The following LRIG1 variants were observed in gnomAD, a reference collection of about 807,000 sequenced individuals.
The protein encoded by LRIG1 is leucine-rich repeats and immunoglobulin-like domains protein 1.
Under a neutral mutation model 99.2 loss-of-function variants are expected in LRIG1, and 48 were observed. The ratio of observed to expected loss-of-function variants is 0.48; its 90% CI spans 0.38 to 0.62. The LOEUF (loss-of-function observed/expected upper bound fraction) is 0.62. Among genes scored for constraint, LRIG1 ranks in the 20% least tolerant of loss-of-function variants. The pLI is 0.00. For synonymous variants in LRIG1, 772 were observed against 596.1 expected, an observed-to-expected ratio of 1.29 and a Z score of -4.30; for missense variants, 1,646 against 1,434.4, an observed-to-expected ratio of 1.15 and a Z score of -2.38.
intron 2 of LRIG1, among the ~76,000 whole-genome samples, chr3:66,459,361 C>G (rs914509145): frequency 6.6e-6 from 1 of 152,174 alleles, no homozygotes; most frequent in South Asian, 2.1e-4. Flanking sequence ...CCATGCCTGC[C>G]CCTGATAGAT....
chr3:66,411,215 A>G (rs1469987662), intron 6 of LRIG1, among the ~76,000 whole-genome samples: 2 of 152,218 alleles, frequency 1.3e-5, no homozygotes, highest in Non-Finnish European at 2.9e-5. Flanking sequence ...CCTCTTCAAC[A>G]AAAGTCCGTA....
intron 15 of LRIG1, 31 bp downstream of exon 15, chr3:66,382,951 T>A (rs1218008420): frequency 7.0e-6 from 11 of 1,566,554 alleles, no homozygotes; most frequent in South Asian, 1.2e-5. Context: ...TCCTCCCTCC[T>A]TGAAAGTCAG....
rs13094825 is a variant in LRIG1 at position 66,381,519 on chromosome 3, C to T, written c.2730G>A (p.Ala910=). Residue 910 remains alanine (A), a synonymous_variant, in exon 17 of 19, where the codon GCG becomes GCA. Coordinates refer to ENST00000273261, the MANE Select transcript of LRIG1 (RefSeq NM_015541.3). ...GSAYHKEPWK[A]MEKAEGTPGP... ...CAGGTGTCCCTTCAGCTTTCTCCAT[C>T]GCTTTCCACGGCTCTTTGTGATACG... is the stretch of plus-strand genomic sequence containing the variant. The T allele has an allele frequency of 0.033, 53,727 of 1,613,894 alleles. 2,644 individuals are homozygous for T. Among genetic ancestry groups the T allele is most frequent in the Admixed American group, 0.22 (13,400 of 60,010 alleles).
intron 3 of LRIG1, among the ~76,000 whole-genome samples, chr3:66,424,485 G>A (rs902707044): frequency 1.3e-5 from 2 of 152,152 alleles, no homozygotes; most frequent in Admixed American, 1.3e-4. Flanking sequence ...TCCACCTTCA[G>A]GAAACTATCC....
At position 66,500,521 on chromosome 3, in the gene LRIG1, C is replaced by T. The variant is rs1200672201; in HGVS notation, c.-114G>A. On this transcript the variant is annotated 5_prime_UTR_variant, in exon 1 of 19. The change abolishes an upstream ATG in the 5' untranslated region. Coordinates refer to ENST00000273261, the MANE Select transcript of LRIG1 (RefSeq NM_015541.3). ...CTCGGCTCTAGACTCCGCACCGGGGCATGGCCCCCGCCCCAAGTTCTCTCT... is the reference window on the plus strand; with the variant it reads ...CTCGGCTCTAGACTCCGCACCGGGGTATGGCCCCCGCCCCAAGTTCTCTCT... 4 of 499,270 alleles carry T rather than the reference C, an allele frequency of 8.0e-6. No individual in the cohort carries two copies. The highest frequency in any genetic ancestry group is 1.3e-5 in the Non-Finnish European group (4 of 315,914). 30.9% of individuals were successfully genotyped at this position (499,270 alleles called of 1,614,324 possible). A position where few individuals can be genotyped will look rare whatever the true frequency, so the allele number is the denominator to read the frequency against.
At chr3:66,484,114 C>T (rs1390554126) in intron 1 of LRIG1, among the ~76,000 whole-genome samples, 1 of 152,140 alleles carries the variant, frequency 6.6e-6, no homozygotes, top group East Asian at 1.9e-4. Flanking sequence ...ACTTAAGAGA[C>T]TTTGGTGGAG....
intron 9 of LRIG1, chr3:66,404,312 C>A: frequency 2.3e-6 from 3 of 1,288,946 alleles, no homozygotes; most frequent in Non-Finnish European, 3.0e-6. Context: ...GCTGAGCTCC[C>A]CGTCACTGGG....
At chr3:66,400,490 A>C (rs1345069976) in intron 9 of LRIG1, among the ~76,000 whole-genome samples, 1 of 152,080 alleles carries the variant, frequency 6.6e-6, no homozygotes, top group Admixed American at 6.5e-5. Context: ...CTGGGAGCCA[A>C]CTCCTGGTGA....
At chr3:66,481,853 G>A (rs534315501) in intron 1 of LRIG1, among the ~76,000 whole-genome samples, 49 of 152,332 alleles carry the variant, frequency 3.2e-4, no homozygotes, top group African/African-American at 1.1e-3. Context: ...ACTCACTTTC[G>A]AGACCATGTT....
intron 15 of LRIG1, 37 bp from the exon 16 acceptor site, chr3:66,382,435 CAG>C (rs762140592): frequency 1.9e-6 from 3 of 1,613,584 alleles, no homozygotes; most frequent in Non-Finnish European, 2.5e-6. Context: ...ACCAGGGTCT[CAG>C]TGACAAGAAA....
intron 3 of LRIG1, among the ~76,000 whole-genome samples, chr3:66,441,034 T>C (rs2106776326): frequency 6.6e-6 from 1 of 152,302 alleles, no homozygotes; most frequent in East Asian, 1.9e-4. Context: ...AAAGGAGCCC[T>C]GCTATTTACA....
chr3:66,378,826 A>ACACTT lies in LRIG1; in HGVS notation c.*1432_*1436dup, dbSNP rs1491123175. 3 of 152,572 alleles carry ACACTT rather than the reference A, an allele frequency of 2.0e-5. No individual in the cohort carries two copies. The highest frequency in any genetic ancestry group is 4.4e-5 in the Non-Finnish European group (3 of 67,984). The allele number at this position is 152,572 out of a possible 1,614,324, so 9.5% of individuals were successfully genotyped here. On this transcript the variant is annotated 3_prime_UTR_variant, in exon 19 of 19. Transcript: ENST00000273261. ...ATTTATAAATGAACCTTTATTAAAG[A>ACACTT]CACTTCAATGCCATTTGTTAGACAC...
chr3:66,440,363 T>C (rs1252090840), intron 3 of LRIG1, among the ~76,000 whole-genome samples: 1 of 152,146 alleles, frequency 6.6e-6, no homozygotes, highest in Non-Finnish European at 1.5e-5. Flanking sequence ...ACTTTGCTGC[T>C]TGCTGCACCT....
At position 66,379,045 on chromosome 3, in the gene LRIG1, A is replaced by AT. The variant is rs1289103066; in HGVS notation, c.*1217dup. 4 of 152,678 alleles carry AT rather than the reference A, an allele frequency of 2.6e-5. No individual in the cohort carries two copies. Among genetic ancestry groups the AT allele is most frequent in the African/African-American group, 9.6e-5 (4 of 41,464 alleles). The allele number at this position is 152,678 out of a possible 1,614,324, so 9.5% of individuals were successfully genotyped here. ...AAATGTGCTTACCTTTTGAACAGTG[A>AT]TGACACCTGACAGTAATTGTTAACT... On this transcript the variant is annotated 3_prime_UTR_variant, in exon 19 of 19. Coordinates refer to ENST00000273261, the MANE Select transcript of LRIG1 (RefSeq NM_015541.3).
rs569218094 is a variant in LRIG1 at position 66,496,389 on chromosome 3, T to A, written c.218+3801A>T. 5.3e-5 allele frequency among the ~76,000 whole-genome samples: 8 copies of A among 152,298 alleles called. No homozygotes were observed. In the South Asian group the frequency reaches 1.0e-3, roughly 20 times the overall value. ...TCATATCAGCAAGACTTAAACAGTG[T>A]GCCTTTTTCTCACGACAACCAATAT... On this transcript the variant is annotated intron_variant, in intron 1 of 18. Transcript: ENST00000273261.
At chr3:66,394,327 G>T in intron 11 of LRIG1, 124 bp from the exon 12 acceptor site, 1 of 814,094 alleles carries the variant, frequency 1.2e-6, no homozygotes, top group Non-Finnish European at 1.9e-6. Flanking sequence ...GCTGGAAGGG[G>T]GAAATGGTTT....
intron 9 of LRIG1, among the ~76,000 whole-genome samples, chr3:66,399,721 T>C (rs564500318): frequency 1.3e-4 from 20 of 152,196 alleles, no homozygotes; most frequent in African/African-American, 3.9e-4. Flanking sequence ...TGAGCCATGA[T>C]TGCGCCACTG....
intron 1 of LRIG1, among the ~76,000 whole-genome samples, chr3:66,483,069 C>G (rs1436542065): frequency 1.3e-5 from 2 of 152,162 alleles, no homozygotes; most frequent in African/African-American, 4.8e-5. Flanking sequence ...CAGCACCCCC[C>G]GTAAGGCCAC....
intron 3 of LRIG1, among the ~76,000 whole-genome samples, chr3:66,444,423 C>T (rs1014072700): frequency 6.6e-6 from 1 of 152,224 alleles, no homozygotes; most frequent in African/African-American, 2.4e-5. Flanking sequence ...TAGAGCCCCA[C>T]TGTCCCAAAC....
Sources: allele counts gnomAD v4.1 joint callset (sites outside exome capture counted in the v4.1 genomes callset), GRCh38; gene constraint gnomAD v4.1.1; transcripts MANE v1.5; gene names NCBI Gene and HGNC (gene_info 2026-07-23, HGNC 2026-07-21).